Variants in SPTBN5 observed in about 807,000 individuals in gnomAD.
SPTBN5 encodes spectrin beta, non-erythrocytic 5.
Under a neutral mutation model 477.6 loss-of-function variants are expected in SPTBN5, and 513 were observed. That is an observed-to-expected ratio of 1.07 (90% CI 1.00 to 1.16). The LOEUF is 1.16. Among genes scored for constraint, SPTBN5 ranks in the 50% most tolerant of loss-of-function variants. The pLI, the probability that SPTBN5 is intolerant of heterozygous loss-of-function variation, is 0.00. For synonymous variants in SPTBN5, 2,169 were observed against 2,011.7 expected (o/e 1.08, Z -2.09); for missense variants, 5,062 against 4,731.8 (o/e 1.07, Z -2.05).
At chr15:41,853,965 G>A (rs2065857629) in intron 57 of SPTBN5, 85 bp downstream of exon 57, 1 of 1,474,548 alleles carries the variant, frequency 6.8e-7, no homozygotes, top group Non-Finnish European at 9.0e-7. Flanking sequence ...GAAGCAGGCT[G>A]GGGTGGGAGG....
chr15:41,881,881 C>A, intron 12 of SPTBN5, 55 bp downstream of exon 12: 1 of 1,470,630 alleles, frequency 6.8e-7, no homozygotes, highest in Non-Finnish European at 9.0e-7. Context: ...CTCTGTGTGG[C>A]CCAGCCGCGG....
At chr15:41,850,201 A>T (rs781289314) in intron 66 of SPTBN5, 63 of 516,756 alleles carry the variant, frequency 1.2e-4, no homozygotes, top group Middle Eastern at 5.2e-4. Context: ...AGCCTTTCTT[A>T]GGAGGTGGGA....
In SPTBN5 at chr15:41,857,370, C is replaced by T. The variant is rs1265401594; in HGVS notation, c.8489G>A (p.Arg2830Lys). The change falls in exon 51 of 68, where the codon AGG becomes AAG. Residue 2830 changes from arginine (R) to lysine (K), a missense_variant. Coordinates refer to ENST00000320955, the MANE Select transcript of SPTBN5 (RefSeq NM_016642.4). ...PGVGELLGTQ[R>K]ELEAAVDKKA... ...CTTGTCCACTGCTGCCTCCAGCTCC[C>T]TCTGTGTGCCCAGGAGCTCGCCCAC... is the stretch of plus-strand genomic sequence containing the variant. 1 of 1,578,078 alleles carries T rather than the reference C, an allele frequency of 6.3e-7. No individual in the cohort carries two copies. The highest frequency in any genetic ancestry group is 1.4e-5 in the African/African-American group (1 of 73,976).
chr15:41,867,026 G>A lies in SPTBN5; in HGVS notation c.6413C>T (p.Ala2138Val), dbSNP rs1452879473. The change falls in exon 36 of 68, where the codon GCG becomes GTG. Residue 2138 changes from alanine (A) to valine (V), a missense_variant. Ala to Val is a moderately conservative substitution (Grantham distance 64). Coordinates refer to ENST00000320955, the MANE Select transcript of SPTBN5 (RefSeq NM_016642.4). ...ATGCAGGGCGTGTCCCCGGCTCTCC[G>A]CCAGCTCCTTCACTCTCATCCGGCG... is the stretch of plus-strand genomic sequence containing the variant. ...LQRRMRVKEL[A>V]ESRGHALHAS... The A allele has an allele frequency of 2.1e-5, 32 of 1,556,132 alleles. No individual in the cohort carries two copies. The highest frequency in any genetic ancestry group is 1.7e-4 in the Middle Eastern group (1 of 5,876).
Position 41,875,564 on chromosome 15 carries a change from A to C in SPTBN5, c.4181T>G (p.Leu1394Arg). ...PCGQEDIQTRLQGLRSKWEAL... is the reference protein window; with the variant it reads ...PCGQEDIQTRRQGLRSKWEAL... ...TTCCCACTTGCTTCTCAGGCCTTGA[A>C]GCCTGGTCTGTATGTCCTCCTGGCC... The change falls in exon 22 of 68, where the codon CTT becomes CGT. Residue 1394 changes from leucine to arginine, a missense_variant. Transcript: ENST00000320955. 1 of 1,608,890 alleles carries C rather than the reference A, an allele frequency of 6.2e-7. No homozygotes were observed. The highest frequency in any genetic ancestry group is 8.5e-7 in the Non-Finnish European group (1 of 1,177,762).
intron 13 of SPTBN5, 44 bp from the exon 14 acceptor site, chr15:41,880,356 C>A: frequency 6.5e-7 from 1 of 1,544,374 alleles, no homozygotes; most frequent in South Asian, 1.2e-5. Context: ...TCAGGGCCCC[C>A]GACAGGGCTC....
In SPTBN5 at chr15:41,871,445, G is replaced by A; in HGVS notation, c.5377C>T (p.Leu1793=). 6.5e-7 allele frequency: 1 copy of A among 1,541,434 alleles called. No individual in the cohort carries two copies. Among genetic ancestry groups the A allele is most frequent in the Non-Finnish European group, 8.8e-7 (1 of 1,142,394 alleles). Residue 1793 remains leucine (L), a synonymous_variant, in exon 29 of 68, where the codon CTG becomes TTG. Coordinates refer to ENST00000320955, the MANE Select transcript of SPTBN5 (RefSeq NM_016642.4). ...GSQRVAACRL[L]AESLLERGHS... ...CCACGCTCTAGCAGGCTCTCCGCCA[G>A]CAGCCGGCAGGCGGCCACCCGCTGG...
Position 41,881,237 on chromosome 15 carries a change from G to A in SPTBN5, c.2458-3C>T. ...GGAGGGCTCAGGGCAGAGTTCACCT[G>A]TGTGACAAAGGGCAGCGCGTCTACA... On this transcript the variant is annotated splice_region_variant and splice_polypyrimidine_tract_variant and intron_variant, in intron 12 of 67. Transcript: ENST00000320955. The A allele has an allele frequency of 5.6e-6, 9 of 1,600,676 alleles. No homozygotes were observed. Among genetic ancestry groups the A allele is most frequent in the East Asian group, 4.5e-5 (2 of 44,736 alleles).
At chr15:41,860,486 G>T in intron 47 of SPTBN5, 100 bp downstream of exon 47, 2 of 1,269,390 alleles carry the variant, frequency 1.6e-6, no homozygotes, top group Non-Finnish European at 2.0e-6. Flanking sequence ...AGGCTGGTGA[G>T]CCTGGGCCAA....
At chr15:41,893,630 C>T (rs1282675089) in intron 1 of SPTBN5, 84 bp from the exon 2 acceptor site, 6 of 1,425,784 alleles carry the variant, frequency 4.2e-6, no homozygotes, top group East Asian at 2.5e-5. Flanking sequence ...GCCAGACTGT[C>T]CTCACATTTC....
At chr15:41,854,401 GGGGTGGGGA>G (rs2065870830) in intron 56 of SPTBN5, among the ~76,000 whole-genome samples, 196 bp from the exon 57 acceptor site, 2 of 151,986 alleles carry the variant, frequency 1.3e-5, no homozygotes, top group African/African-American at 2.4e-5. Context: ...GGCAGGCCAG[GGGGTGGGGA>G]GGGTGGGGAG....
At chr15:41,859,876 G>A (rs1458374090) in intron 47 of SPTBN5, among the ~76,000 whole-genome samples, 2 of 152,368 alleles carry the variant, frequency 1.3e-5, no homozygotes, top group East Asian at 1.9e-4. Flanking sequence ...CATGGCATTT[G>A]TGGGTGCTGG....
chr15:41,882,760 C>G (rs768081168), intron 9 of SPTBN5, 22 bp from the exon 10 acceptor site: 1 of 1,602,806 alleles, frequency 6.2e-7, no homozygotes, highest in African/African-American at 1.3e-5. Flanking sequence ...TAGGGGCCAC[C>G]GAAGGACATG....
At chr15:41,892,864 C>T (rs752489065) in intron 3 of SPTBN5, 30 bp downstream of exon 3, 10 of 1,562,774 alleles carry the variant, frequency 6.4e-6, no homozygotes, top group Non-Finnish European at 8.6e-6. Context: ...TGCCCCAGCA[C>T]CATCCCAGAC....
intron 56 of SPTBN5, among the ~76,000 whole-genome samples, chr15:41,854,410 A>T (rs1178818073): frequency 2.7e-5 from 1 of 37,208 alleles, no homozygotes; most frequent in Non-Finnish European, 5.3e-5. Flanking sequence ...GGGGGTGGGG[A>T]GGGTGGGGAG....
chr15:41,880,307 G>A lies in SPTBN5; in HGVS notation c.2664C>T (p.Arg888=). 6.2e-7 allele frequency: 1 copy of A among 1,601,184 alleles called. No homozygotes were observed. Among genetic ancestry groups the A allele is most frequent in the Non-Finnish European group, 8.5e-7 (1 of 1,174,934 alleles). The change falls in exon 14 of 68, where the codon CGC becomes CGT. Residue 888 remains arginine, a synonymous_variant. Coordinates refer to ENST00000320955, the MANE Select transcript of SPTBN5 (RefSeq NM_016642.4). ...YESLRALAQL[R]RARLEEAMAL... ...CCATGGCCTCCTCCAACCGGGCCCT[G>A]CGGAGCTGGGGAGAGGTGGCCCAAG...
chr15:41,856,443 C>A lies in SPTBN5; in HGVS notation c.8964G>T (p.Ala2988=), dbSNP rs759545493. The A allele has an allele frequency of 1.9e-6, 3 of 1,594,714 alleles. No homozygotes were observed. The highest frequency in any genetic ancestry group is 4.5e-5 in the East Asian group (2 of 44,098). ...EKAMAHLRAE[A]ARRRLLLQQA... ...GCTGCAGCAGAAGCCGCCTCCGCGC[C>A]GCCTCTGCCCGCAGGTGGGCCATGG... is the stretch of plus-strand genomic sequence containing the variant. Residue 2988 remains alanine (A), a synonymous_variant, in exon 53 of 68, where the codon GCG becomes GCT. Transcript: ENST00000320955.
Position 41,878,388 on chromosome 15 carries a change from TCAG to T in SPTBN5, c.3421_3423del (p.Leu1141del). 1 of 1,613,658 alleles carries T rather than the reference TCAG, an allele frequency of 6.2e-7. No homozygotes were observed. The highest frequency in any genetic ancestry group is 8.5e-7 in the Non-Finnish European group (1 of 1,179,860). On this transcript the variant is annotated inframe_deletion, in exon 17 of 68. Transcript: ENST00000320955. ...TCCTCCAGCAGGTCTTGGTGCTCCCTCAGCAGCCGCTGAGCCGAGGCCACATCC... is the reference window on the plus strand; with the variant it reads ...TCCTCCAGCAGGTCTTGGTGCTCCCTCAGCCGCTGAGCCGAGGCCACATCC...
In SPTBN5 at chr15:41,848,331, ACATGGG is replaced by A; in HGVS notation, c.*279_*284del. ...ACCCCTTCCAAGCAAGGAGGAGGCC[ACATGGG>A]CCTGGGGTAGCCCTGGCCTTGCCCA... is the stretch of plus-strand genomic sequence containing the variant. On this transcript the variant is annotated 3_prime_UTR_variant, in exon 68 of 68. Transcript: ENST00000320955. 1 of 549,290 alleles carries A rather than the reference ACATGGG, an allele frequency of 1.8e-6. No homozygotes were observed. The highest frequency in any genetic ancestry group is 3.3e-6 in the Non-Finnish European group (1 of 304,540). The allele number at this position is 549,290 out of a possible 1,614,324, so 34.0% of individuals were successfully genotyped here.
Sources: allele counts gnomAD v4.1 joint callset (sites outside exome capture counted in the v4.1 genomes callset), GRCh38; gene constraint gnomAD v4.1.1; transcripts MANE v1.5; gene names NCBI Gene and HGNC (gene_info 2026-07-23, HGNC 2026-07-21).